The following CYP2R1 variants were observed in gnomAD, a reference collection of about 807,000 sequenced individuals.
CYP2R1 encodes the protein cytochrome P450 family 2 subfamily R member 1, also known as vitamin D 25-hydroxylase.
CYP2R1 carries 40 observed loss-of-function variants against 45.7 expected under a neutral mutation model. That is an observed-to-expected ratio of 0.87 (90% CI 0.68 to 1.14). The LOEUF is 1.14. CYP2R1 is among the 50% of genes most tolerant of loss of function. CYP2R1 has a pLI of 0.00. For synonymous variants in CYP2R1, 234 were observed against 219.3 expected (o/e 1.07, Z -0.59); for missense variants, 605 against 602.6 (o/e 1.00, Z -0.04).
chr11:14,883,885 C>T (rs1393431051), intron 2 of CYP2R1, among the ~76,000 whole-genome samples: 3 of 152,176 alleles, frequency 2.0e-5, no homozygotes, highest in Non-Finnish European at 2.9e-5. Context: ...TGAACAGACA[C>T]TTCTCAAAAG....
rs1338566940 is a variant in CYP2R1, at chr11:14,877,561, G to A, written c.*561C>T. 6.6e-6 allele frequency: 1 copy of A among 152,378 alleles called. No homozygotes were observed. Among genetic ancestry groups the A allele is most frequent in the African/African-American group, 2.4e-5 (1 of 41,422 alleles). The allele number at this position is 152,378 out of a possible 1,614,324, so 9.4% of individuals were successfully genotyped here. A position where few individuals can be genotyped will look rare whatever the true frequency, so the allele number is the denominator to read the frequency against. Reference sequence around the variant, plus strand: ...GAATGACACAGTTCTTATGAAGACAGAGCAGGAAGCAAGATATGAAAGCAC... The same window carrying A: ...GAATGACACAGTTCTTATGAAGACAAAGCAGGAAGCAAGATATGAAAGCAC... On this transcript the variant is annotated 3_prime_UTR_variant, in exon 5 of 5. Transcript: ENST00000334636.
intron 2 of CYP2R1, among the ~76,000 whole-genome samples, chr11:14,885,529 G>T (rs967413254): frequency 6.6e-6 from 1 of 152,122 alleles, no homozygotes; most frequent in Non-Finnish European, 1.5e-5. Flanking sequence ...GATGTTATTA[G>T]GTGTTGATTC....
intron 1 of CYP2R1, chr11:14,887,433 A>G (rs1848663557): frequency 4.5e-6 from 1 of 222,018 alleles, no homozygotes; most frequent in Non-Finnish European, 7.6e-6. Context: ...GTATTCCTGT[A>G]TACAGTTTTC....
intron 1 of CYP2R1, among the ~76,000 whole-genome samples, chr11:14,888,504 C>T (rs529629818): frequency 2.6e-4 from 40 of 152,296 alleles, no homozygotes; most frequent in African/African-American, 8.4e-4. Flanking sequence ...ATTTGGAAGG[C>T]TTCCTTTGAC....
In CYP2R1 at chr11:14,880,528, T is replaced by G; in HGVS notation, c.608A>C (p.Glu203Ala). 1.2e-6 allele frequency: 2 copies of G among 1,613,540 alleles called. No homozygotes were observed. The highest frequency in any genetic ancestry group is 1.7e-6 in the Non-Finnish European group (2 of 1,179,706). ...AATCATGTGCTGAAAATCGGTGTCT[T>G]CATAAGTGAATCGTTCTCCAAAAAT... is the stretch of plus-strand genomic sequence containing the variant. ...LIIFGERFTYEDTDFQHMIEL... is the reference protein window; with the variant it reads ...LIIFGERFTYADTDFQHMIEL... Residue 203 changes from glutamate to alanine, a missense_variant, in exon 3 of 5, where the codon GAA (glutamate) becomes GCA (alanine). Transcript: ENST00000334636.
At position 14,879,239 on chromosome 11, in the gene CYP2R1, G is replaced by A. The variant is rs782067999; in HGVS notation, c.1205C>T (p.Thr402Ile). 4.3e-5 allele frequency: 70 copies of A among 1,613,100 alleles called. No individual in the cohort carries two copies. In the South Asian group the frequency reaches 5.6e-4, roughly 13 times the overall value. Residue 402 changes from threonine to isoleucine, a missense_variant, in exon 4 of 5, where the codon ACA becomes ATA. Thr to Ile is a moderately conservative substitution (Grantham distance 89, BLOSUM62 -1). Coordinates refer to ENST00000334636, the MANE Select transcript of CYP2R1 (RefSeq NM_024514.5). Reference protein sequence around the residue: ...YSIPKGTTVITNLYSVHFDEK... With the variant: ...YSIPKGTTVIINLYSVHFDEK... Reference sequence around the variant, plus strand: ...ATCAAAGTGTACAGAATAAAGATTTGTAATTACTGTTGTGCCTTTAGGAAT... The same window carrying A: ...ATCAAAGTGTACAGAATAAAGATTTATAATTACTGTTGTGCCTTTAGGAAT...
intron 4 of CYP2R1, among the ~76,000 whole-genome samples, chr11:14,878,910 T>C (rs182916766): frequency 6.6e-5 from 10 of 152,244 alleles, no homozygotes; most frequent in Admixed American, 1.3e-4. Context: ...AGTTCATCTA[T>C]AGTTAATAAA....
In CYP2R1 at chr11:14,880,149, A is replaced by T; in HGVS notation, c.987T>A (p.Tyr329Ter). Residue 329 changes from tyrosine to a stop codon, truncating the protein, a stop_gained, in exon 3 of 5, where the codon TAT becomes TAA. Transcript: ENST00000334636. LOFTEE classifies it high-confidence loss of function. ...LRWAILFMALYPNIQGQVQKE... is the reference protein window; with the variant it reads ...LRWAILFMAL Reference sequence around the variant, plus strand: ...GAGAATCCTCACCTTGAATATTAGGATAAAGGGCCATGAAAAGAATCGCCC... The same window carrying T: ...GAGAATCCTCACCTTGAATATTAGGTTAAAGGGCCATGAAAAGAATCGCCC... The T allele has an allele frequency of 6.2e-7, 1 of 1,612,748 alleles. No individual in the cohort carries two copies. The highest frequency in any genetic ancestry group is 1.3e-5 in the African/African-American group (1 of 74,972).
At chr11:14,892,257 C>A, upstream of CYP2R1, 1 of 1,530,742 alleles carries the variant, frequency 6.5e-7, no homozygotes, top group South Asian at 1.2e-5. Flanking sequence ...CCCAGGCACT[C>A]CCTCCAGCCC....
intron 2 of CYP2R1, among the ~76,000 whole-genome samples, chr11:14,881,361 C>G (rs1212728110): frequency 6.6e-6 from 1 of 152,030 alleles, no homozygotes; most frequent in African/African-American, 2.4e-5. Flanking sequence ...CTGATATTGC[C>G]TGCCTTAAAA....
chr11:14,885,668 C>A (rs1555014166), intron 2 of CYP2R1, 108 bp downstream of exon 2: 2 of 1,191,496 alleles, frequency 1.7e-6, no homozygotes, highest in East Asian at 2.5e-5. Flanking sequence ...TAAATAGTTT[C>A]TTATTAATCA....
chr11:14,889,696 A>G lies in CYP2R1; in HGVS notation c.225+2285T>C, dbSNP rs529584739. Among the ~76,000 whole-genome samples the G allele has an allele frequency of 3.9e-5, 6 of 152,368 alleles. No individual in the cohort carries two copies. In the South Asian group the frequency reaches 1.0e-3, roughly 26 times the overall value. On this transcript the variant is annotated intron_variant, in intron 1 of 4. Transcript: ENST00000334636. Reference sequence around the variant, plus strand: ...CCCCCTGCCCAAAAGAAATATTCATAGTAATACCGAGTGTCTTTCAGTTCA... The same window carrying G: ...CCCCCTGCCCAAAAGAAATATTCATGGTAATACCGAGTGTCTTTCAGTTCA...
chr11:14,881,041 A>T (rs574645101), intron 2 of CYP2R1, among the ~76,000 whole-genome samples: 42 of 152,226 alleles, frequency 2.8e-4, no homozygotes, highest in Non-Finnish European at 1.3e-4. Context: ...ACCTGGTGAA[A>T]TAGGCCCAGG....
rs1555017357 is a variant in CYP2R1, at chr11:14,892,119, C to G, written c.87G>C (p.Gln29His). The change falls in exon 1 of 5, where the codon CAG becomes CAC. Residue 29 changes from glutamine to histidine, a missense_variant. Gln to His is a conservative substitution (Grantham distance 24). Transcript: ENST00000334636. Reference protein sequence around the residue: ...FLLLFALGVRQLLKQRRPMGF... With the variant: ...FLLLFALGVRHLLKQRRPMGF... ...CCATCGGCCGCCTCTGCTTCAGCAG[C>G]TGGCGGACCCCTAGCGCGAAGAGCA... is the stretch of plus-strand genomic sequence containing the variant. The G allele has an allele frequency of 4.3e-6, 7 of 1,611,550 alleles. No homozygotes were observed. The highest frequency in any genetic ancestry group is 2.7e-5 in the African/African-American group (2 of 74,904).
chr11:14,892,299 G>A, upstream of CYP2R1: 2 of 1,247,600 alleles, frequency 1.6e-6, no homozygotes, highest in South Asian at 1.3e-5. Context: ...ATACCCTCAG[G>A]TCCCGCCCTA....
rs782496545 is a variant in CYP2R1, at chr11:14,880,759, T to C, written c.377A>G (p.Asn126Ser). 1.2e-6 allele frequency: 2 copies of C among 1,607,728 alleles called. No homozygotes were observed. Among genetic ancestry groups the C allele is most frequent in the Non-Finnish European group, 1.7e-6 (2 of 1,177,968 alleles). Residue 126 changes from asparagine (N) to serine (S), a missense_variant, in exon 3 of 5, where the codon AAT (asparagine) becomes AGT (serine). Transcript: ENST00000334636. ...MKMTKMGGLL[N>S]SRYGRGWVDH... is the part of the protein sequence containing the mutation. The stretch of plus-strand genomic sequence containing the variant: ...AACCCATCCTCGGCCATATCTGGAA[T>C]TGAGTAAGCCTGAAAAAAAATATTA...
intron 1 of CYP2R1, chr11:14,891,688 C>A: frequency 1.7e-6 from 2 of 1,192,558 alleles, no homozygotes; most frequent in Non-Finnish European, 2.1e-6. Context: ...CCAAACGGCG[C>A]AGGCGCAGGA....
In CYP2R1 at chr11:14,880,431, A is replaced by C; in HGVS notation, c.705T>G (p.Ile235Met). The C allele has an allele frequency of 6.2e-7, 1 of 1,613,444 alleles. No homozygotes were observed. The change falls in exon 3 of 5, where the codon ATT becomes ATG. Residue 235 changes from isoleucine to methionine, a missense_variant. Ile to Met is a conservative substitution (Grantham distance 10). Coordinates refer to ENST00000334636, the MANE Select transcript of CYP2R1 (RefSeq NM_024514.5). ...SVFLYNAFPWIGILPFGKHQQ... is the reference protein window; with the variant it reads ...SVFLYNAFPWMGILPFGKHQQ... ...GATGTTTTCCAAAAGGCAGGATGCC[A>C]ATCCATGGAAAGGCATTATACAAGA...
chr11:14,890,591 G>A (rs1555016377), intron 1 of CYP2R1: 1 of 238,754 alleles, frequency 4.2e-6, no homozygotes, highest in Non-Finnish European at 5.7e-6. Context: ...CTGTTGCCCA[G>A]GCTGGAGTGC....
Sources: allele counts gnomAD v4.1 joint callset (sites outside exome capture counted in the v4.1 genomes callset), GRCh38; gene constraint gnomAD v4.1.1; transcripts MANE v1.5; gene names NCBI Gene and HGNC (gene_info 2026-07-23, HGNC 2026-07-21).